CDH11: variants seen among roughly 807,000 people sequenced by gnomAD.
CDH11 encodes cadherin 11.
Under a neutral mutation model 67.8 loss-of-function variants are expected in CDH11, and 11 were observed. That is an observed-to-expected ratio of 0.16 (90% CI 0.10 to 0.27). The LOEUF is 0.27. Among genes scored for constraint, CDH11 ranks in the 10% least tolerant of loss-of-function variants. The pLI is 1.00. For synonymous variants in CDH11, 419 were observed against 400.0 expected (o/e 1.05, Z -0.57); for missense variants, 847 against 1,031.2 (o/e 0.82, Z 2.45).
At chr16:65,112,848 G>A (rs2075182241) in intron 1 of CDH11, among the ~76,000 whole-genome samples, 1 of 152,170 alleles carries the variant, frequency 6.6e-6, no homozygotes, top group South Asian at 2.1e-4. Context: ...TTCCAAATAA[G>A]AGATTCATTT....
chr16:64,956,162 T>C (rs1299759587), intron 11 of CDH11, among the ~76,000 whole-genome samples: 2 of 152,238 alleles, frequency 1.3e-5, no homozygotes, highest in African/African-American at 2.4e-5. Flanking sequence ...TGGGTTTGAA[T>C]CTTGAATCTT....
intron 2 of CDH11, among the ~76,000 whole-genome samples, chr16:65,005,494 C>A (rs1260113633): frequency 1.3e-5 from 2 of 152,134 alleles, no homozygotes; most frequent in East Asian, 1.9e-4. Flanking sequence ...GGATTCCATG[C>A]AGAAGGAACA....
intron 1 of CDH11, among the ~76,000 whole-genome samples, chr16:65,066,776 G>T (rs577676386): frequency 1.4e-4 from 21 of 152,320 alleles, no homozygotes; most frequent in African/African-American, 5.1e-4. Flanking sequence ...GTCCCTGTGA[G>T]GTTATGAAAA....
intron 1 of CDH11, among the ~76,000 whole-genome samples, chr16:65,107,111 G>C (rs1384606898): frequency 6.6e-6 from 1 of 152,100 alleles, no homozygotes; most frequent in Non-Finnish European, 1.5e-5. Flanking sequence ...CCGATGACCA[G>C]TGGTAAGTCT....
At chr16:65,109,707 A>G (rs969894691) in intron 1 of CDH11, among the ~76,000 whole-genome samples, 1 of 152,216 alleles carries the variant, frequency 6.6e-6, no homozygotes, top group East Asian at 1.9e-4. Flanking sequence ...ACAGAACTGG[A>G]TGTGTCCCTT....
intron 2 of CDH11, among the ~76,000 whole-genome samples, chr16:65,020,891 T>A: frequency 6.6e-6 from 1 of 152,146 alleles, no homozygotes; most frequent in African/African-American, 2.4e-5. Flanking sequence ...TGGAACCCTT[T>A]CAGGAACATG....
rs746229029 is a variant in CDH11 at position 64,973,040 on chromosome 16, C to T, written c.1254G>A (p.Arg418=). The T allele has an allele frequency of 3.1e-6, 5 of 1,613,188 alleles. 1 individual carries two copies. The highest frequency in any genetic ancestry group is 3.3e-5 in the Admixed American group (2 of 59,966). The part of the protein sequence containing the change: ...KDPDAANSPI[R]YSIDRHTDLD... Reference sequence around the variant, plus strand: ...GGTCAGTGTGACGATCGATGGAATACCTAAGCAGAATGCAAATGAGGCAAT... The same window carrying T: ...GGTCAGTGTGACGATCGATGGAATATCTAAGCAGAATGCAAATGAGGCAAT... The change falls in exon 9 of 13, where the codon AGG becomes AGA. Residue 418 remains arginine (R), a splice_region_variant and synonymous_variant. Transcript: ENST00000268603.
intron 1 of CDH11, among the ~76,000 whole-genome samples, chr16:65,100,648 G>A (rs1350986230): frequency 1.3e-5 from 2 of 150,186 alleles, no homozygotes; most frequent in Non-Finnish European, 1.5e-5. Context: ...TGAGGCAGGA[G>A]AATGACGTGA....
intron 1 of CDH11, among the ~76,000 whole-genome samples, chr16:65,114,626 G>C (rs1376527697): frequency 6.6e-6 from 1 of 152,156 alleles, no homozygotes; most frequent in Non-Finnish European, 1.5e-5. Context: ...AACACAGACA[G>C]ATATTCCCTT....
intron 11 of CDH11, among the ~76,000 whole-genome samples, chr16:64,953,289 T>TAC (rs2071413663): frequency 7.1e-6 from 1 of 141,510 alleles, no homozygotes; most frequent in Non-Finnish European, 1.6e-5. Flanking sequence ...TATGTATGTA[T>TAC]ATACACACAC....
intron 2 of CDH11, among the ~76,000 whole-genome samples, chr16:65,048,046 G>A (rs1010281754): frequency 2.6e-5 from 4 of 152,182 alleles, no homozygotes; most frequent in African/African-American, 9.7e-5. Flanking sequence ...CGGTTCCATT[G>A]TTGTATTGAT....
intron 11 of CDH11, among the ~76,000 whole-genome samples, chr16:64,958,114 C>A (rs2071568608): frequency 6.6e-6 from 1 of 152,198 alleles, no homozygotes; most frequent in Admixed American, 6.5e-5. Context: ...CTTCACCAGA[C>A]AATAACCTCC....
At chr16:65,096,412 T>G (rs1001277572) in intron 1 of CDH11, among the ~76,000 whole-genome samples, 1 of 136,870 alleles carries the variant, frequency 7.3e-6, no homozygotes, top group Non-Finnish European at 1.6e-5. Context: ...TCGGGGTGTG[T>G]GTGTGTGTGT....
At chr16:65,047,359 G>GA (rs2073980111) in intron 2 of CDH11, among the ~76,000 whole-genome samples, 1 of 148,274 alleles carries the variant, frequency 6.7e-6, no homozygotes, top group East Asian at 2.0e-4. Flanking sequence ...TTTGTTTTTG[G>GA]TTTTTTTTTT....
chr16:64,993,234 C>CTTCCTTCCTTCCTTCCTTCCTTCT (rs1466004600), intron 4 of CDH11, among the ~76,000 whole-genome samples, 200 bp from the exon 5 acceptor site: 7 of 147,704 alleles, frequency 4.7e-5, no homozygotes, highest in African/African-American at 1.8e-4. Flanking sequence ...TCCTTCCTTC[C>CTTCCTTCCTTCCTTCCTTCCTTCT]TGCTCTATAA....
At chr16:65,044,277 G>A (rs1312573211) in intron 2 of CDH11, among the ~76,000 whole-genome samples, 1 of 152,240 alleles carries the variant, frequency 6.6e-6, no homozygotes, top group African/African-American at 2.4e-5. Flanking sequence ...ACTAATTGGC[G>A]ATGTGGTAAC....
intron 11 of CDH11, among the ~76,000 whole-genome samples, chr16:64,962,378 C>T (rs940123280): frequency 6.6e-6 from 1 of 152,036 alleles, no homozygotes; most frequent in East Asian, 1.9e-4. Flanking sequence ...GGCAAAGAGC[C>T]GTCCCCAGAT....
chr16:65,113,717 A>T (rs2075198167), intron 1 of CDH11, among the ~76,000 whole-genome samples: 1 of 152,150 alleles, frequency 6.6e-6, no homozygotes, highest in African/African-American at 2.4e-5. Flanking sequence ...TGGTGGGAGC[A>T]GCCTGATATG....
chr16:64,956,835 A>C (rs1489391620), intron 11 of CDH11, among the ~76,000 whole-genome samples: 1 of 152,172 alleles, frequency 6.6e-6, no homozygotes, highest in Non-Finnish European at 1.5e-5. Context: ...GTTGGGGAAT[A>C]CCAATATAGG....
Sources: allele counts gnomAD v4.1 joint callset (sites outside exome capture counted in the v4.1 genomes callset), GRCh38; gene constraint gnomAD v4.1.1; transcripts MANE v1.5; gene names NCBI Gene and HGNC (gene_info 2026-07-23, HGNC 2026-07-21).